Variants in DAB1 observed in about 807,000 individuals in gnomAD.
DAB1 encodes disabled homolog 1.
In DAB1, 15 loss-of-function variants were observed where a neutral mutation model predicts 64.6. The observed-to-expected ratio is 0.23, with a 90% CI of 0.16 to 0.36. DAB1 has a LOEUF of 0.36. Ranked by LOEUF, DAB1 falls within the 10% of genes least tolerant of loss-of-function variation. DAB1 has a pLI of 1.00. For synonymous variants in DAB1, 235 were observed against 251.9 expected (o/e 0.93, Z 0.64); for missense variants, 596 against 706.7 (o/e 0.84, Z 1.78).
At chr1:57,003,488 T>C (rs894029324) in intron 14 of DAB1, among the ~76,000 whole-genome samples, 3 of 150,802 alleles carry the variant, frequency 2.0e-5, no homozygotes, top group African/African-American at 7.3e-5. Flanking sequence ...AGCTGGGACA[T>C]ACTGCTTTTT....
upstream of DAB1, among the ~76,000 whole-genome samples, chr1:57,428,093 A>G (rs1204077198): frequency 6.6e-6 from 1 of 152,120 alleles, no homozygotes; most frequent in African/African-American, 2.4e-5. Context: ...ACCTGAACCC[A>G]GGAGGCGGAG....
At chr1:57,906,935 T>C (rs1557548559) in intron 5 of DAB1, among the ~76,000 whole-genome samples, 1 of 124,142 alleles carries the variant, frequency 8.1e-6, no homozygotes, top group Non-Finnish European at 1.7e-5. Context: ...GAATATAATA[T>C]GCAGATAGAT....
At chr1:57,589,246 C>A (rs959447203) in intron 7 of DAB1, among the ~76,000 whole-genome samples, 11 of 151,794 alleles carry the variant, frequency 7.2e-5, no homozygotes, top group Admixed American at 5.9e-4. Flanking sequence ...AACAAAAAAA[C>A]CATATGTTTA....
intron 5 of DAB1, among the ~76,000 whole-genome samples, chr1:57,928,675 C>T (rs1644913332): frequency 6.6e-6 from 1 of 152,190 alleles, no homozygotes; most frequent in South Asian, 2.1e-4. Context: ...TTGCCTTTTC[C>T]ACAATGCCAT....
At chr1:57,073,813 A>G (rs1014764294) in intron 4 of DAB1, among the ~76,000 whole-genome samples, 3 of 152,216 alleles carry the variant, frequency 2.0e-5, no homozygotes, top group Admixed American at 1.3e-4. Flanking sequence ...AAACAGAAAT[A>G]TGTAATTATT....
intron 3 of DAB1, among the ~76,000 whole-genome samples, chr1:58,497,047 C>T (rs1645814310): frequency 6.6e-6 from 1 of 152,168 alleles, no homozygotes; most frequent in Non-Finnish European, 1.5e-5. Context: ...ACTTCCAATG[C>T]AAAGCACTAT....
intron 9 of DAB1, among the ~76,000 whole-genome samples, chr1:57,029,407 A>T (rs1241367664): frequency 6.6e-6 from 1 of 152,162 alleles, no homozygotes; most frequent in Non-Finnish European, 1.5e-5. Flanking sequence ...TGTGGAAGGG[A>T]AATGTGTGGT....
chr1:57,823,400 G>A (rs575974688), downstream of DAB1, among the ~76,000 whole-genome samples: 1 of 152,102 alleles, frequency 6.6e-6, no homozygotes, highest in Non-Finnish European at 1.5e-5. Context: ...CACCGAGGAA[G>A]AGGAAGGGGA....
At chr1:58,301,569 G>T (rs77503678) in intron 4 of DAB1, among the ~76,000 whole-genome samples, 3,416 of 152,082 alleles carry the variant, frequency 0.022, 124 homozygotes, top group African/African-American at 0.077. Context: ...CTTCCAGTGC[G>T]GCCCAGGGAA....
chr1:57,230,559 G>A (rs1504587), intron 2 of DAB1, among the ~76,000 whole-genome samples: 11,102 of 152,052 alleles, frequency 0.073, 1,349 homozygotes, highest in African/African-American at 0.25. Context: ...TGAAGTGAAC[G>A]TAAACATGAG....
chr1:57,191,485 CT>C (rs1319917515), intron 2 of DAB1, among the ~76,000 whole-genome samples: 1 of 152,162 alleles, frequency 6.6e-6, no homozygotes, highest in Non-Finnish European at 1.5e-5. Flanking sequence ...TGACTATGGC[CT>C]CTTAGATTCT....
chr1:57,901,433 C>T (rs1644472313), intron 5 of DAB1, among the ~76,000 whole-genome samples: 3 of 152,116 alleles, frequency 2.0e-5, no homozygotes, highest in Admixed American at 2.0e-4. Context: ...CCATCTGTGA[C>T]TAAAAATGTT....
intron 5 of DAB1, among the ~76,000 whole-genome samples, chr1:58,078,638 AT>A (rs1649797823): frequency 6.6e-6 from 1 of 152,164 alleles, no homozygotes; most frequent in Admixed American, 6.5e-5. Context: ...GATAAATAGT[AT>A]TTGCTGAGTA....
At chr1:58,293,287 C>T (rs1234847711) in intron 4 of DAB1, among the ~76,000 whole-genome samples, 1 of 152,172 alleles carries the variant, frequency 6.6e-6, no homozygotes, top group Non-Finnish European at 1.5e-5. Context: ...AAGTCCGAAA[C>T]CTTCTTCATC....
intron 9 of DAB1, among the ~76,000 whole-genome samples, chr1:57,058,654 A>T (rs1243009585): frequency 6.6e-6 from 1 of 152,350 alleles, no homozygotes; most frequent in African/African-American, 2.4e-5. Flanking sequence ...GATCACTGTT[A>T]TTAATCTAAA....
Position 57,678,008 on chromosome 1 carries a change from T to C in DAB1, n.552-28343A>G, listed in dbSNP as rs948084422. ...TTAGAAAACATTGATGTCTGGGTAC[T>C]GCTTCTAGAGGCTTGGTTCAATTGG... On this transcript the variant is annotated intron_variant and non_coding_transcript_variant, in intron 6 of 20. Coordinates refer to the DAB1 transcript ENST00000485760. Among the ~76,000 whole-genome samples, 4 of 152,194 alleles carry C rather than the reference T, an allele frequency of 2.6e-5. 1 individual carries two copies. The South Asian group carries it at 8.3e-4, about 32-fold the overall frequency.
intron 5 of DAB1, among the ~76,000 whole-genome samples, chr1:57,921,006 C>T (rs1045902989): frequency 6.6e-6 from 1 of 152,086 alleles, no homozygotes; most frequent in Non-Finnish European, 1.5e-5. Flanking sequence ...ATTTTCATTA[C>T]CACATCATTA....
intron 7 of DAB1, among the ~76,000 whole-genome samples, chr1:57,467,428 G>A (rs1686988598): frequency 6.6e-6 from 1 of 152,148 alleles, no homozygotes; most frequent in Non-Finnish European, 1.5e-5. Context: ...AGGATATTAG[G>A]AATAGGAAAT....
chr1:57,522,388 G>A (rs534005947), intron 7 of DAB1, among the ~76,000 whole-genome samples: 2 of 152,274 alleles, frequency 1.3e-5, no homozygotes, highest in South Asian at 4.1e-4. Context: ...AAGAAGCCCT[G>A]CTAGAAATAG....
Sources: allele counts gnomAD v4.1 joint callset (sites outside exome capture counted in the v4.1 genomes callset), GRCh38; gene constraint gnomAD v4.1.1; transcripts MANE v1.5; gene names NCBI Gene and HGNC (gene_info 2026-07-23, HGNC 2026-07-21).